PLXDC2: variants seen among roughly 807,000 people sequenced by gnomAD.
The protein encoded by PLXDC2 is plexin domain-containing protein 2.
A neutral mutation model predicts 68.9 loss-of-function variants in PLXDC2; 40 were observed. The observed-to-expected ratio is 0.58, with a 90% CI of 0.45 to 0.76. The LOEUF (loss-of-function observed/expected upper bound fraction) is 0.76. Ranked by LOEUF, PLXDC2 falls within the 30% of genes least tolerant of loss-of-function variation. PLXDC2 has a pLI of 0.00. For synonymous variants in PLXDC2, 243 were observed against 234.2 expected (o/e 1.04, Z -0.34); for missense variants, 644 against 661.9 (o/e 0.97, Z 0.30).
chr10:19,928,452 T>C (rs1047281759), intron 1 of PLXDC2, among the ~76,000 whole-genome samples: 1 of 152,216 alleles, frequency 6.6e-6, no homozygotes, highest in Non-Finnish European at 1.5e-5. Context: ...TTAAGGCTTT[T>C]ACAAATATAC....
chr10:20,092,349 A>G (rs779179090), intron 4 of PLXDC2, among the ~76,000 whole-genome samples: 4 of 152,158 alleles, frequency 2.6e-5, no homozygotes, highest in Non-Finnish European at 4.4e-5. Context: ...AATGTATGCT[A>G]TTGACTTTTC....
At chr10:20,217,688 C>G in intron 11 of PLXDC2, 112 bp downstream of exon 11, 1 of 1,201,852 alleles carries the variant, frequency 8.3e-7, no homozygotes, top group South Asian at 3.2e-5. Context: ...CTCTAGGTCT[C>G]TCTAAAGTTA....
In PLXDC2 at chr10:19,977,178, A is replaced by G. The variant is rs571086063; in HGVS notation, c.113-24597A>G. ...TGTGAAATGGGATGCTAGAAAGCCG[A>G]TTGGCATTCACTCTAGATGGATCCA... On this transcript the variant is annotated intron_variant, in intron 1 of 13. Transcript: ENST00000377252. 2.6e-5 allele frequency among the ~76,000 whole-genome samples: 4 copies of G among 152,300 alleles called. No individual in the cohort carries two copies. The East Asian group carries it at 7.7e-4, about 29-fold the overall frequency.
intron 9 of PLXDC2, among the ~76,000 whole-genome samples, chr10:20,202,376 T>C (rs1173520387): frequency 6.6e-6 from 1 of 152,192 alleles, no homozygotes; most frequent in Non-Finnish European, 1.5e-5. Flanking sequence ...ATGTTGCCAA[T>C]GCATTTCCAT....
At chr10:20,273,608 G>A (rs991239463) in intron 13 of PLXDC2, among the ~76,000 whole-genome samples, 3 of 152,064 alleles carry the variant, frequency 2.0e-5, no homozygotes, top group Non-Finnish European at 2.9e-5. Context: ...TCAATCACAT[G>A]TACAACCACA....
At chr10:20,193,388 T>A (rs1344126022) in intron 9 of PLXDC2, among the ~76,000 whole-genome samples, 1 of 152,098 alleles carries the variant, frequency 6.6e-6, no homozygotes, top group Non-Finnish European at 1.5e-5. Flanking sequence ...AGTTTAATGG[T>A]GTAAACAGTG....
chr10:19,965,801 A>G (rs1208253121), intron 1 of PLXDC2, among the ~76,000 whole-genome samples: 1 of 152,018 alleles, frequency 6.6e-6, no homozygotes, highest in Non-Finnish European at 1.5e-5. Context: ...AGACTCTGGC[A>G]TGGCCTCAAA....
chr10:20,135,047 C>T (rs970531102), intron 4 of PLXDC2, among the ~76,000 whole-genome samples: 2 of 152,160 alleles, frequency 1.3e-5, no homozygotes, highest in African/African-American at 4.8e-5. Context: ...CTGGGCTCCA[C>T]TTAGGTGCTA....
At chr10:19,869,784 T>G (rs1034780249) in intron 1 of PLXDC2, among the ~76,000 whole-genome samples, 2 of 152,102 alleles carry the variant, frequency 1.3e-5, no homozygotes, top group African/African-American at 4.8e-5. Context: ...ATTATTATCT[T>G]TTTAATTTTT....
At chr10:19,860,347 A>C (rs1837295942) in intron 1 of PLXDC2, among the ~76,000 whole-genome samples, 1 of 152,202 alleles carries the variant, frequency 6.6e-6, no homozygotes, top group Non-Finnish European at 1.5e-5. Context: ...CCATGGTACT[A>C]AGATTTTCCA....
At chr10:19,871,407 T>G (rs975367873) in intron 1 of PLXDC2, among the ~76,000 whole-genome samples, 21 of 152,294 alleles carry the variant, frequency 1.4e-4, no homozygotes, top group African/African-American at 5.1e-4. Flanking sequence ...AGTGCCAAAT[T>G]GTATCACAGT....
At chr10:20,050,738 A>G (rs183658706) in intron 3 of PLXDC2, among the ~76,000 whole-genome samples, 5 of 152,066 alleles carry the variant, frequency 3.3e-5, no homozygotes, top group African/African-American at 1.2e-4. Context: ...AAAAAAACAG[A>G]TGCTGGTGAG....
chr10:20,255,422 T>C (rs1409287894), intron 13 of PLXDC2, among the ~76,000 whole-genome samples: 7 of 152,186 alleles, frequency 4.6e-5, no homozygotes, highest in Admixed American at 3.9e-4. Flanking sequence ...TACCAACTGT[T>C]GAATAATTTC....
intron 4 of PLXDC2, among the ~76,000 whole-genome samples, chr10:20,081,004 T>G (rs369069265): frequency 6.6e-6 from 1 of 152,338 alleles, no homozygotes; most frequent in East Asian, 1.9e-4. Flanking sequence ...TCTGTGGGCT[T>G]GAGCCCCAGG....
chr10:20,093,706 C>A (rs1487482291), intron 4 of PLXDC2, among the ~76,000 whole-genome samples: 2 of 152,292 alleles, frequency 1.3e-5, no homozygotes, highest in African/African-American at 4.8e-5. Flanking sequence ...CAGGGTCTCA[C>A]TTCATTGCCC....
intron 1 of PLXDC2, among the ~76,000 whole-genome samples, chr10:19,948,101 G>T (rs962558055): frequency 6.6e-6 from 1 of 152,104 alleles, no homozygotes; most frequent in African/African-American, 2.4e-5. Context: ...CTGTGAAATG[G>T]ATTTTTAAAT....
At chr10:20,065,761 G>A (rs938946737) in intron 3 of PLXDC2, among the ~76,000 whole-genome samples, 23 of 152,170 alleles carry the variant, frequency 1.5e-4, no homozygotes, top group African/African-American at 3.6e-4. Context: ...TAGGGCTCAC[G>A]CTCCTATGAG....
Position 20,288,941 on chromosome 10 carries a change from G to A in PLXDC2, c.*9122G>A, listed in dbSNP as rs901250712. ...AAACCATGTTTTTCACTTACAGTAG[G>A]AGTCAACAAATTTGGGATTTTAGAA... On this transcript the variant is annotated 3_prime_UTR_variant, in exon 14 of 14. Transcript: ENST00000377252. 6.6e-6 allele frequency: 1 copy of A among 152,090 alleles called. No homozygotes were observed. Among genetic ancestry groups the A allele is most frequent in the Non-Finnish European group, 1.5e-5 (1 of 68,032 alleles). The allele number at this position is 152,090 out of a possible 1,614,324, so 9.4% of individuals were successfully genotyped here. A position where few individuals can be genotyped will look rare whatever the true frequency, so the allele number is the denominator to read the frequency against.
intron 1 of PLXDC2, among the ~76,000 whole-genome samples, chr10:19,854,738 CT>C (rs1837183210): frequency 6.6e-6 from 1 of 152,164 alleles, no homozygotes; most frequent in Non-Finnish European, 1.5e-5. Flanking sequence ...ATTGGTGCCC[CT>C]GGGAAAGAGG....
Sources: gnomAD v4.1 joint callset for allele counts (sites outside exome capture counted in the v4.1 genomes callset) on GRCh38, gnomAD v4.1.1 for gene constraint, MANE v1.5 for transcripts, NCBI Gene and HGNC (gene_info 2026-07-23, HGNC 2026-07-21) for gene names.